Variants in PTPN4 observed in about 807,000 individuals in gnomAD.
The protein encoded by PTPN4 is tyrosine-protein phosphatase non-receptor type 4.
Under a neutral mutation model 135.5 loss-of-function variants are expected in PTPN4, and 49 were observed. The observed-to-expected ratio is 0.36, with a 90% CI of 0.29 to 0.46. The LOEUF is 0.46. Among genes scored for constraint, PTPN4 ranks in the 20% least tolerant of loss-of-function variants. PTPN4 has a pLI of 1.00. For missense variants in PTPN4, 860 were observed against 1,101.0 expected (o/e 0.78, Z 3.10); for synonymous variants, 333 against 369.9 (o/e 0.90, Z 1.14).
chr2:119,876,899 G>A lies in PTPN4; in HGVS notation c.247-424G>A, dbSNP rs548471354. On this transcript the variant is annotated intron_variant, in intron 3 of 26. Transcript: ENST00000263708. ...GAATGAGTATAAAGCCCAAGAGCATGTGTGTGTGTGTGTGTGTGTGTGTGT... is the reference window on the plus strand; with the variant it reads ...GAATGAGTATAAAGCCCAAGAGCATATGTGTGTGTGTGTGTGTGTGTGTGT... 2.6e-4 allele frequency among the ~76,000 whole-genome samples: 16 copies of A among 60,600 alleles called. 1 individual carries two copies. The highest frequency in any genetic ancestry group is 1.7e-3 in the South Asian group (3 of 1,750). The allele number at this position is 60,600 out of a possible 152,430, so 39.8% of individuals were successfully genotyped here.
chr2:119,929,147 G>C lies in PTPN4; in HGVS notation c.1070+2481G>C, dbSNP rs112966578. ...TTGTGTGGTTCCTCTGAAATAATAA[G>C]GTATCAGCTACAATGAGGTTGTAAT... is the stretch of plus-strand genomic sequence containing the variant. On this transcript the variant is annotated intron_variant, in intron 13 of 26. Coordinates refer to ENST00000263708, the MANE Select transcript of PTPN4 (RefSeq NM_002830.4). Among the ~76,000 whole-genome samples the C allele has an allele frequency of 2.6e-3, 397 of 152,120 alleles. 2 individuals are homozygous for C. The highest frequency in any genetic ancestry group is 7.8e-3 in the African/African-American group (323 of 41,528).
At chr2:119,763,425 T>A (rs983401161) in intron 1 of PTPN4, among the ~76,000 whole-genome samples, 3 of 152,174 alleles carry the variant, frequency 2.0e-5, no homozygotes. Flanking sequence ...GTCTGTTAAG[T>A]GTCAGATCCT....
At chr2:119,776,610 C>G (rs1010123006) in intron 1 of PTPN4, among the ~76,000 whole-genome samples, 1 of 152,166 alleles carries the variant, frequency 6.6e-6, no homozygotes, top group African/African-American at 2.4e-5. Flanking sequence ...CTCTGCCACC[C>G]AGAAACAGCA....
At chr2:119,928,640 A>T (rs576330429) in intron 13 of PTPN4, among the ~76,000 whole-genome samples, 1 of 152,300 alleles carries the variant, frequency 6.6e-6, no homozygotes, top group African/African-American at 2.4e-5. Flanking sequence ...GAATTCACTT[A>T]TGGAAAATGA....
At chr2:119,789,317 A>G (rs1190525673) in intron 1 of PTPN4, among the ~76,000 whole-genome samples, 1 of 152,162 alleles carries the variant, frequency 6.6e-6, no homozygotes, top group Non-Finnish European at 1.5e-5. Flanking sequence ...TATATATTCC[A>G]GACATTAGGT....
chr2:119,947,048 A>T (rs1334470876), intron 18 of PTPN4, among the ~76,000 whole-genome samples: 3 of 152,168 alleles, frequency 2.0e-5, no homozygotes, highest in Non-Finnish European at 4.4e-5. Context: ...TATATCCATT[A>T]TGATGAATCT....
At chr2:119,822,652 C>T (rs1030959698) in intron 2 of PTPN4, among the ~76,000 whole-genome samples, 4 of 152,154 alleles carry the variant, frequency 2.6e-5, no homozygotes, top group African/African-American at 7.2e-5. Context: ...CCACCGCACC[C>T]GGCCTGTGTG....
chr2:119,935,388 A>T (rs765699748), intron 15 of PTPN4, among the ~76,000 whole-genome samples: 6 of 152,226 alleles, frequency 3.9e-5, no homozygotes, highest in Non-Finnish European at 8.8e-5. Flanking sequence ...ATAGGTAAGA[A>T]GATTTATTTC....
At chr2:119,868,493 T>C (rs1286083038) in intron 3 of PTPN4, among the ~76,000 whole-genome samples, 2 of 152,152 alleles carry the variant, frequency 1.3e-5, no homozygotes, top group East Asian at 1.9e-4. Flanking sequence ...ATAAACTGGC[T>C]CCAAAACTGG....
chr2:119,913,584 G>A (rs533599598), intron 10 of PTPN4, among the ~76,000 whole-genome samples: 36 of 152,274 alleles, frequency 2.4e-4, no homozygotes, highest in African/African-American at 7.2e-4. Context: ...GAGCCTAGGA[G>A]TTTGAGGCCA....
chr2:119,927,114 T>C (rs1372316527), intron 13 of PTPN4, among the ~76,000 whole-genome samples: 3 of 100,528 alleles, frequency 3.0e-5, no homozygotes, highest in Non-Finnish European at 4.3e-5. Flanking sequence ...GCCAATTTGC[T>C]TTTTTTTTTT....
chr2:119,970,109 G>T (rs1280783956), intron 26 of PTPN4, among the ~76,000 whole-genome samples: 1 of 151,756 alleles, frequency 6.6e-6, no homozygotes, highest in Admixed American at 6.6e-5. Context: ...GCCCAGGCTG[G>T]AGTGCAATGG....
intron 23 of PTPN4, 73 bp downstream of exon 23, chr2:119,961,026 T>C (rs1679357317): frequency 4.9e-6 from 7 of 1,419,382 alleles, no homozygotes; most frequent in South Asian, 1.5e-5. Flanking sequence ...AGTCAAAATA[T>C]TCATATTTAT....
intron 1 of PTPN4, among the ~76,000 whole-genome samples, chr2:119,773,711 G>A (rs1251447421): frequency 6.8e-6 from 1 of 147,558 alleles, no homozygotes; most frequent in Non-Finnish European, 1.5e-5. Context: ...ACTCCAGCCT[G>A]GGTGACAGAG....
intron 1 of PTPN4, among the ~76,000 whole-genome samples, chr2:119,808,407 ATCACAAGCAT>A (rs991127804): frequency 5.9e-5 from 9 of 152,210 alleles, no homozygotes; most frequent in Non-Finnish European, 1.0e-4. Flanking sequence ...ATGTGCAAAA[ATCACAAGCAT>A]TCCTATACAC....
rs926905326 is a variant in PTPN4, at chr2:119,983,253, C to G, written c.*6183C>G. The G allele has an allele frequency of 2.6e-5, 4 of 152,136 alleles. No individual in the cohort carries two copies. Among genetic ancestry groups the G allele is most frequent in the African/African-American group, 9.7e-5 (4 of 41,420 alleles). 9.4% of individuals were successfully genotyped at this position (152,136 alleles called of 1,614,324 possible). ...GCCACATCGCTAAGTACAATTATTACCAGGAATCCGTCAAGGGGGAGATAG... is the reference window on the plus strand; with the variant it reads ...GCCACATCGCTAAGTACAATTATTAGCAGGAATCCGTCAAGGGGGAGATAG... On this transcript the variant is annotated 3_prime_UTR_variant, in exon 27 of 27. Transcript: ENST00000263708.
At chr2:119,772,323 A>G (rs1371480449) in intron 1 of PTPN4, among the ~76,000 whole-genome samples, 1 of 152,182 alleles carries the variant, frequency 6.6e-6, no homozygotes, top group Admixed American at 6.5e-5. Flanking sequence ...GGCTATTTTT[A>G]TGGCTTTTGA....
At chr2:119,867,237 T>G (rs950198210) in intron 3 of PTPN4, among the ~76,000 whole-genome samples, 25 of 152,164 alleles carry the variant, frequency 1.6e-4, no homozygotes, top group Admixed American at 4.6e-4. Flanking sequence ...AGACTTGTAT[T>G]TTACACATAT....
intron 22 of PTPN4, among the ~76,000 whole-genome samples, chr2:119,959,089 T>C (rs1374077920): frequency 6.6e-6 from 1 of 152,148 alleles, no homozygotes; most frequent in Non-Finnish European, 1.5e-5. Flanking sequence ...ATGACTCAAA[T>C]TTTTCACTGC....
Sources: allele counts gnomAD v4.1 joint callset (sites outside exome capture counted in the v4.1 genomes callset), GRCh38; gene constraint gnomAD v4.1.1; transcripts MANE v1.5; gene names NCBI Gene and HGNC (gene_info 2026-07-23, HGNC 2026-07-21).